Variants in DIAPH2 observed in about 807,000 individuals in gnomAD.
DIAPH2 encodes the protein diaphanous related formin 2.
Under a neutral mutation model 92.7 loss-of-function variants are expected in DIAPH2, and 35 were observed. The observed-to-expected ratio is 0.38, with a 90% CI of 0.29 to 0.50. The LOEUF is 0.50. Ranked by LOEUF, DIAPH2 falls within the 20% of genes least tolerant of loss-of-function variation. The probability of loss-of-function intolerance (pLI) is 0.94; values close to 1 mark genes in which losing one functional copy is unlikely to be tolerated. For synonymous variants in DIAPH2, 301 were observed against 280.4 expected, an observed-to-expected ratio of 1.07 and a Z score of -0.73; for missense variants, 701 against 819.5, an observed-to-expected ratio of 0.86 and a Z score of 1.77.
intron 26 of DIAPH2, among the ~76,000 whole-genome samples, chrX:97,487,702 T>C (rs2070698805): frequency 8.9e-6 from 1 of 112,216 alleles, no homozygotes; most frequent in Admixed American, 9.4e-5. Flanking sequence ...CCACTAACAG[T>C]TGTATAAGGG....
At chrX:96,740,988 T>C (rs1232137108) in intron 3 of DIAPH2, among the ~76,000 whole-genome samples, 1 of 110,696 alleles carries the variant, frequency 9.0e-6, no homozygotes, top group East Asian at 2.9e-4. Flanking sequence ...TACGAGTAAA[T>C]TGAAGCATTC....
chrX:97,274,420 A>T (rs1190220932), intron 23 of DIAPH2, among the ~76,000 whole-genome samples: 1 of 108,375 alleles, frequency 9.2e-6, no homozygotes, highest in African/African-American at 3.4e-5. Context: ...AGGCAGGAGA[A>T]TTGCTTGAAC....
In DIAPH2 at chrX:96,702,355, A is replaced by G. The variant is rs143470563; in HGVS notation, c.132+17165A>G. 2.3e-3 allele frequency among the ~76,000 whole-genome samples: 262 copies of G among 112,185 alleles called. 4 individuals are homozygous for G. The highest frequency in any genetic ancestry group is 8.0e-3 in the African/African-American group (248 of 30,923). On this transcript the variant is annotated intron_variant, in intron 1 of 26. Coordinates refer to ENST00000324765, the MANE Select transcript of DIAPH2 (RefSeq NM_006729.5). ...TAAATGTTTTGGAGAAGCTCACCTC[A>G]GTGCTGCGGTAAGCATTATCAGGGT...
intron 1 of DIAPH2, among the ~76,000 whole-genome samples, chrX:96,705,391 G>T (rs933991431): frequency 1.8e-5 from 2 of 111,682 alleles, no homozygotes; most frequent in African/African-American, 3.3e-5. Context: ...TGTGGCATAG[G>T]TATTTCTTGT....
At chrX:96,800,485 T>C (rs2064574334) in intron 4 of DIAPH2, among the ~76,000 whole-genome samples, 2 of 111,937 alleles carry the variant, frequency 1.8e-5, no homozygotes, top group Admixed American at 1.9e-4. Context: ...GCATGTCCTT[T>C]CCTCTCCAAT....
chrX:97,137,299 A>ATATATATG (rs1163798309), intron 21 of DIAPH2, among the ~76,000 whole-genome samples: 7 of 95,970 alleles, frequency 7.3e-5, no homozygotes, highest in Admixed American at 3.6e-4. Flanking sequence ...ATATATATAT[A>ATATATATG]TATGTATAGA....
chrX:97,196,245 T>C (rs1183299933), intron 22 of DIAPH2, among the ~76,000 whole-genome samples: 2 of 106,230 alleles, frequency 1.9e-5, no homozygotes, highest in Non-Finnish European at 3.8e-5. Flanking sequence ...CACACACACA[T>C]GCACATACGT....
chrX:97,477,667 T>C (rs1455760226), intron 26 of DIAPH2, among the ~76,000 whole-genome samples: 1 of 111,489 alleles, frequency 9.0e-6, no homozygotes, highest in Non-Finnish European at 1.9e-5. Flanking sequence ...CATGTATATA[T>C]ATACACACAT....
chrX:96,917,580 C>G (rs972284087), intron 8 of DIAPH2, among the ~76,000 whole-genome samples: 1 of 110,865 alleles, frequency 9.0e-6, no homozygotes, highest in African/African-American at 3.3e-5. Context: ...TCATAAAATA[C>G]AATGTAGTCC....
intron 17 of DIAPH2, among the ~76,000 whole-genome samples, chrX:97,040,781 T>C: frequency 9.0e-6 from 1 of 110,534 alleles, no homozygotes; most frequent in Non-Finnish European, 1.9e-5. Context: ...CATTTCCTAA[T>C]TTGAAAATGT....
chrX:97,555,325 C>A, intron 26 of DIAPH2: 1 of 306,912 alleles, frequency 3.3e-6, no homozygotes. Flanking sequence ...TACCCACTGG[C>A]TGCAAACTAG....
chrX:97,589,900 T>C (rs2071505942), intron 26 of DIAPH2, among the ~76,000 whole-genome samples: 1 of 112,377 alleles, frequency 8.9e-6, no homozygotes, highest in African/African-American at 3.2e-5. Flanking sequence ...TTTAACTGTG[T>C]CCTAATTGTT....
At chrX:96,986,499 T>A (rs1190855425) in intron 17 of DIAPH2, among the ~76,000 whole-genome samples, 2 of 111,655 alleles carry the variant, frequency 1.8e-5, no homozygotes, top group African/African-American at 6.5e-5. Flanking sequence ...ATGTAGGAAG[T>A]AACAGAGTTA....
At chrX:97,073,093 G>T in intron 18 of DIAPH2, 51 bp downstream of exon 18, 1 of 836,733 alleles carries the variant, frequency 1.2e-6, no homozygotes, top group East Asian at 3.3e-5. Context: ...TGAGAGGGGT[G>T]GGAGCTGTTT....
chrX:97,311,837 T>G (rs1004688957), intron 23 of DIAPH2, among the ~76,000 whole-genome samples: 5 of 110,599 alleles, frequency 4.5e-5, no homozygotes, highest in Admixed American at 9.7e-5. Flanking sequence ...CTTTTTTTTT[T>G]GGGTGGGGGA....
chrX:96,945,013 G>T (rs761661242), intron 13 of DIAPH2, among the ~76,000 whole-genome samples: 1 of 111,397 alleles, frequency 9.0e-6, no homozygotes, highest in Admixed American at 9.6e-5. Context: ...TGAGAAGTTT[G>T]AAGTTAGTTT....
At chrX:96,932,771 C>T (rs2065627635) in intron 10 of DIAPH2, among the ~76,000 whole-genome samples, 1 of 110,999 alleles carries the variant, frequency 9.0e-6, no homozygotes, top group South Asian at 3.8e-4. Context: ...TTCATCATTT[C>T]TTTGTGTTGG....
At chrX:97,433,046 T>A (rs1233419445) in intron 26 of DIAPH2, among the ~76,000 whole-genome samples, 1 of 111,426 alleles carries the variant, frequency 9.0e-6, no homozygotes, top group Non-Finnish European at 1.9e-5. Context: ...AATCGCCCAC[T>A]CTGAGCCTGT....
At chrX:97,497,596 A>G (rs2070768213) in intron 26 of DIAPH2, among the ~76,000 whole-genome samples, 1 of 110,669 alleles carries the variant, frequency 9.0e-6, no homozygotes, top group Non-Finnish European at 1.9e-5. Context: ...ACTTGAGGTT[A>G]GGAGTTACAG....
Sources: gnomAD v4.1 joint callset for allele counts (sites outside exome capture counted in the v4.1 genomes callset) on GRCh38, gnomAD v4.1.1 for gene constraint, MANE v1.5 for transcripts, NCBI Gene and HGNC (gene_info 2026-07-23, HGNC 2026-07-21) for gene names.